The following PLOD3 variants were observed in gnomAD, a reference collection of about 807,000 sequenced individuals.
PLOD3 encodes the protein multifunctional procollagen lysine hydroxylase and glycosyltransferase LH3.
PLOD3 carries 73 observed loss-of-function variants against 96.9 expected under a neutral mutation model. The observed-to-expected ratio is 0.75, with a 90% CI of 0.62 to 0.92. The LOEUF (loss-of-function observed/expected upper bound fraction) is 0.92, where lower values mean the gene tolerates loss of function less well. Among genes scored for constraint, PLOD3 ranks in the 40% least tolerant of loss-of-function variants. PLOD3 has a pLI of 0.00. For synonymous variants in PLOD3, 454 were observed against 413.7 expected (o/e 1.10, Z -1.18); for missense variants, 1,004 against 1,004.3 (o/e 1.00, Z 0.00).
intron 16 of PLOD3, among the ~76,000 whole-genome samples, chr7:101,208,310 A>G (rs970568298): frequency 1.3e-5 from 2 of 152,008 alleles, no homozygotes; most frequent in Admixed American, 6.6e-5. Context: ...CTGGAGTTCA[A>G]TCTTGGCTCA....
chr7:101,207,461 G>C (rs1375921435), intron 17 of PLOD3, 117 bp downstream of exon 17: 1 of 1,104,728 alleles, frequency 9.1e-7, no homozygotes, highest in East Asian at 2.4e-5. Context: ...ATTCCCCTGG[G>C]AACTAAAATG....
At position 101,206,683 on chromosome 7, in the gene PLOD3, G is replaced by A. The variant is rs11971003; in HGVS notation, c.2061+96C>T. On this transcript the variant is annotated intron_variant, in intron 18 of 18. Transcript: ENST00000223127. ...TACCCACAAAGTCACTGGGAAATGG[G>A]CAGGGAGGGGAGCTGGGGGATGCAC... is the stretch of plus-strand genomic sequence containing the variant. 11,456 of 1,373,918 alleles carry A rather than the reference G, an allele frequency of 8.3e-3. 194 individuals carry two copies. The highest frequency in any genetic ancestry group is 0.078 in the East Asian group (3,106 of 39,968). The allele number at this position is 1,373,918 out of a possible 1,614,324, so 85.1% of individuals were successfully genotyped here. A position where few individuals can be genotyped will look rare whatever the true frequency, so the allele number is the denominator to read the frequency against.
chr7:101,209,065 T>A, intron 15 of PLOD3, 108 bp from the exon 16 acceptor site: 1 of 846,882 alleles, frequency 1.2e-6, no homozygotes, highest in Non-Finnish European at 2.0e-6. Flanking sequence ...GAAGGCTTTG[T>A]GAGAGCAGCC....
intron 12 of PLOD3, 196 bp from the exon 13 acceptor site, chr7:101,210,869 C>T: frequency 1.7e-6 from 1 of 604,012 alleles, no homozygotes; most frequent in Non-Finnish European, 2.9e-6. Flanking sequence ...AGCTGTGGCA[C>T]TTCTTTTTTG....
chr7:101,215,878 G>A (rs759882481), intron 5 of PLOD3, 30 bp downstream of exon 5: 36 of 1,448,670 alleles, frequency 2.5e-5, no homozygotes, highest in Middle Eastern at 1.8e-4. Context: ...ACAGAGCTGC[G>A]GGATGCGCCC....
rs777393176 is a variant in PLOD3, at chr7:101,212,559, CG to C, written c.975del (p.Asp326ThrfsTer32). On this transcript the variant is annotated frameshift_variant, in exon 9 of 19. Transcript: ENST00000223127. LOFTEE classifies it high-confidence loss of function. ...TTGTGCAGGAAAAGGGTGACCCTGT[CG>C]GGGGGATAGTCCAGGAGTAGCAGCC... Reference protein sequence around the residue: ...LQRLLLLDYPPDRVTLFLHNN... With the variant: ...LQRLLLLDYPXDRVTLFLHNN... 6.2e-7 allele frequency: 1 copy of C among 1,613,238 alleles called. No homozygotes were observed. Among genetic ancestry groups the C allele is most frequent in the Non-Finnish European group, 8.5e-7 (1 of 1,179,742 alleles).
In PLOD3 at chr7:101,207,626, C is replaced by T. The variant is rs142564814; in HGVS notation, c.1887G>A (p.Thr629=). Residue 629 remains threonine (T), a synonymous_variant, in exon 17 of 19, where the codon ACG becomes ACA. Transcript: ENST00000223127. ...GGCTCTCGGTCATGGGGCCCACATA[C>T]GTCCGCAGCAGCTGCAGCCACTGGT... The part of the protein sequence containing the change: ...YEDQWLQLLR[T]YVGPMTESLF... The T allele has an allele frequency of 7.6e-5, 122 of 1,614,058 alleles. No homozygotes were observed. In the African/African-American group the frequency reaches 9.9e-4, roughly 13 times the overall value.
chr7:101,207,265 C>G (rs1798102631), intron 17 of PLOD3, among the ~76,000 whole-genome samples: 1 of 152,100 alleles, frequency 6.6e-6, no homozygotes, highest in African/African-American at 2.4e-5. Context: ...TGTGAGCCAC[C>G]ACGCCCGGCC....
At position 101,206,187 on chromosome 7, in the gene PLOD3, GAGAC is replaced by G. The variant is rs1798078849; in HGVS notation, c.*90_*93del. On this transcript the variant is annotated 3_prime_UTR_variant, in exon 19 of 19. Transcript: ENST00000223127. ...GCGGAACATGAACTCAGGAAGTGGG[GAGAC>G]AGAGAGACCCATCCCCCAACTCCCA... 4 of 1,225,602 alleles carry G rather than the reference GAGAC, an allele frequency of 3.3e-6. No individual in the cohort carries two copies. In the South Asian group the frequency reaches 3.6e-5, roughly 11 times the overall value. The allele number at this position is 1,225,602 out of a possible 1,614,324, so 75.9% of individuals were successfully genotyped here. A position where few individuals can be genotyped will look rare whatever the true frequency, so the allele number is the denominator to read the frequency against.
At chr7:101,213,512 T>G in intron 6 of PLOD3, 1 of 345,714 alleles carries the variant, frequency 2.9e-6, no homozygotes, top group African/African-American at 2.1e-5. Context: ...CCTTGTTTTT[T>G]TTTTTTTTTA....
In PLOD3 at chr7:101,217,494, G is replaced by C; in HGVS notation, c.-220C>G. 2.0e-6 allele frequency: 1 copy of C among 510,856 alleles called. No homozygotes were observed. Among genetic ancestry groups the C allele is most frequent in the Non-Finnish European group, 3.3e-6 (1 of 298,790 alleles). 31.6% of individuals were successfully genotyped at this position (510,856 alleles called of 1,614,324 possible). On this transcript the variant is annotated 5_prime_UTR_variant, in exon 1 of 19. Coordinates refer to ENST00000223127, the MANE Select transcript of PLOD3 (RefSeq NM_001084.5). Reference sequence around the variant, plus strand: ...CACAGACAAGGCGAGGATTGTCCCGGGCGCACGGGAGGCGGGGGAGGGGCG... The same window carrying C: ...CACAGACAAGGCGAGGATTGTCCCGCGCGCACGGGAGGCGGGGGAGGGGCG...
chr7:101,210,932 A>G (rs1972170), intron 12 of PLOD3: 5,585 of 471,472 alleles, frequency 0.012, 113 homozygotes, highest in East Asian at 0.08. Context: ...CCAGGCTGGA[A>G]TGCAGTGGTG....
At position 101,216,335 on chromosome 7, in the gene PLOD3, G is replaced by C. The variant is rs1584256400; in HGVS notation, c.339-9C>G. Reference sequence around the variant, plus strand: ...CCAGAATCACGTCGTAGCTGGGTGAGGAAGGGGAGGATGGGCAGGGGTCCA... The same window carrying C: ...CCAGAATCACGTCGTAGCTGGGTGACGAAGGGGAGGATGGGCAGGGGTCCA... On this transcript the variant is annotated splice_polypyrimidine_tract_variant and intron_variant, in intron 3 of 18. Coordinates refer to ENST00000223127, the MANE Select transcript of PLOD3 (RefSeq NM_001084.5). 1 of 1,613,436 alleles carries C rather than the reference G, an allele frequency of 6.2e-7. No individual in the cohort carries two copies. The highest frequency in any genetic ancestry group is 8.5e-7 in the Non-Finnish European group (1 of 1,180,036).
At position 101,216,493 on chromosome 7, in the gene PLOD3, A is replaced by G. The variant is rs1343435696; in HGVS notation, c.255T>C (p.Gly85=). 3.7e-6 allele frequency: 6 copies of G among 1,613,348 alleles called. No individual in the cohort carries two copies. Among genetic ancestry groups the G allele is most frequent in the Non-Finnish European group, 4.2e-6 (5 of 1,179,832 alleles). The change falls in exon 3 of 19, where the codon GGT becomes GGC. Residue 85 remains glycine (G), a synonymous_variant. Transcript: ENST00000223127. ...WRGGDVARTV[G]GGQKVRWLKK... is the part of the protein sequence containing the mutation. The stretch of plus-strand genomic sequence containing the variant: ...TTAACCACCGGACCTTCTGTCCTCC[A>G]CCAACTGTTCGAGCCACATCACCCC...
chr7:101,210,314 G>A lies in PLOD3; in HGVS notation c.1614+17C>T, dbSNP rs375480680. 527 of 1,598,360 alleles carry A rather than the reference G, an allele frequency of 3.3e-4. No homozygotes were observed. The highest frequency in any genetic ancestry group is 4.3e-4 in the Non-Finnish European group (497 of 1,166,198). On this transcript the variant is annotated intron_variant, in intron 14 of 18. Transcript: ENST00000223127. ...GGCGGGGAACCTGTGTGCTCTGGGC[G>A]TGGGGTCCCCACTCACGACGGGGTT...
At position 101,212,830 on chromosome 7, in the gene PLOD3, C is replaced by A. The variant is rs531990074; in HGVS notation, c.879+12G>T. On this transcript the variant is annotated intron_variant, in intron 8 of 18. Coordinates refer to ENST00000223127, the MANE Select transcript of PLOD3 (RefSeq NM_001084.5). ...TGCCCTCTCGTGCCCCTCCCTGGCA[C>A]CCCCACCTCACCTGCCCCCCCGGGA... 3.1e-6 allele frequency: 5 copies of A among 1,601,288 alleles called. No homozygotes were observed. In the Admixed American group the frequency reaches 5.0e-5, roughly 16 times the overall value.
At chr7:101,210,059 G>T in intron 15 of PLOD3, 34 bp downstream of exon 15, 1 of 1,363,874 alleles carries the variant, frequency 7.3e-7, no homozygotes, top group African/African-American at 1.4e-5. Flanking sequence ...GGCCATGAGG[G>T]CAGGGGGTGG....
rs141101386 is a variant in PLOD3, at chr7:101,212,560, G to A, written c.975C>T (p.Pro325=). Residue 325 remains proline, a synonymous_variant, in exon 9 of 19, where the codon CCC becomes CCT. Transcript: ENST00000223127. ...LQRLLLLDYP[P]DRVTLFLHNN... ...TGTGCAGGAAAAGGGTGACCCTGTC[G>A]GGGGGATAGTCCAGGAGTAGCAGCC... is the stretch of plus-strand genomic sequence containing the variant. The A allele has an allele frequency of 2.2e-4, 352 of 1,613,502 alleles. 1 individual carries two copies. The African/African-American group carries it at 3.4e-3, about 16-fold the overall frequency.
intron 6 of PLOD3, 34 bp downstream of exon 6, chr7:101,215,055 C>T (rs112933746): frequency 5.2e-5 from 79 of 1,519,224 alleles, no homozygotes; most frequent in African/African-American, 3.6e-4. Context: ...GCAGAGGCTG[C>T]GCATCGCCCA....
Sources: gnomAD v4.1 joint callset for allele counts (sites outside exome capture counted in the v4.1 genomes callset) on GRCh38, gnomAD v4.1.1 for gene constraint, MANE v1.5 for transcripts, NCBI Gene and HGNC (gene_info 2026-07-23, HGNC 2026-07-21) for gene names.